The following ROBO1 variants were observed in gnomAD, a reference collection of about 807,000 sequenced individuals.
ROBO1 encodes the protein roundabout guidance receptor 1.
Under a neutral mutation model 195.9 loss-of-function variants are expected in ROBO1, and 149 were observed. That is an observed-to-expected ratio of 0.76 (90% CI 0.67 to 0.87). The LOEUF is 0.87. Among genes scored for constraint, ROBO1 ranks in the 40% least tolerant of loss-of-function variants. The pLI is 0.00. For missense variants in ROBO1, 1,933 were observed against 2,068.3 expected (o/e 0.93, Z 1.27); for synonymous variants, 816 against 733.2 (o/e 1.11, Z -1.82).
intron 1 of ROBO1, among the ~76,000 whole-genome samples, chr3:79,723,299 C>G (rs1242523148): frequency 6.6e-6 from 1 of 152,172 alleles, no homozygotes; most frequent in Non-Finnish European, 1.5e-5. Context: ...GAGGCAGAGT[C>G]TATCAACTCT....
chr3:79,446,566 G>C (rs2039264231), intron 2 of ROBO1, among the ~76,000 whole-genome samples: 1 of 152,056 alleles, frequency 6.6e-6, no homozygotes, highest in Admixed American at 6.6e-5. Flanking sequence ...CCACTAAGCT[G>C]TCAAATTATT....
chr3:78,604,276 G>A lies in ROBO1; in HGVS notation c.4744+2457C>T, dbSNP rs1213778605. Among the ~76,000 whole-genome samples, 6 of 152,010 alleles carry A rather than the reference G, an allele frequency of 3.9e-5. No individual in the cohort carries two copies. The East Asian group carries it at 9.7e-4, about 25-fold the overall frequency. On this transcript the variant is annotated intron_variant, in intron 29 of 30. Coordinates refer to ENST00000464233, the MANE Select transcript of ROBO1 (RefSeq NM_002941.4). The stretch of plus-strand genomic sequence containing the variant: ...AGTAGAGATGGGGTTTCACCATGTT[G>A]GCCAGGCTGGTCTCAAACTCCTGAC...
At chr3:79,091,417 A>C (rs549951413) in intron 3 of ROBO1, among the ~76,000 whole-genome samples, 375 of 152,288 alleles carry the variant, frequency 2.5e-3, no homozygotes, top group African/African-American at 8.7e-3. Flanking sequence ...CTTGCATTAC[A>C]TTCTAGATAA....
At chr3:79,169,177 T>C (rs1464853834) in intron 2 of ROBO1, among the ~76,000 whole-genome samples, 1 of 152,022 alleles carries the variant, frequency 6.6e-6, no homozygotes, top group Non-Finnish European at 1.5e-5. Flanking sequence ...TCTTCAAGAG[T>C]ACATATTAGT....
At chr3:78,994,561 T>A (rs1381441520) in intron 3 of ROBO1, among the ~76,000 whole-genome samples, 2 of 152,180 alleles carry the variant, frequency 1.3e-5, no homozygotes, top group African/African-American at 4.8e-5. Flanking sequence ...AAAAGAACTT[T>A]CAATTGGAAA....
chr3:79,226,758 G>GCTTAT, intron 2 of ROBO1, among the ~76,000 whole-genome samples: 1 of 151,872 alleles, frequency 6.6e-6, no homozygotes, highest in African/African-American at 2.4e-5. Flanking sequence ...TGTTGCCCAG[G>GCTTAT]CTTATCTCAA....
chr3:78,964,753 C>T (rs1238033091), intron 3 of ROBO1, among the ~76,000 whole-genome samples: 1 of 148,558 alleles, frequency 6.7e-6, no homozygotes, highest in Non-Finnish European at 1.5e-5. Flanking sequence ...ACAACTTAGT[C>T]CAATGGCTCA....
intron 8 of ROBO1, among the ~76,000 whole-genome samples, chr3:78,711,460 C>T (rs9814186): frequency 0.19 from 20,308 of 106,726 alleles, 3,022 homozygotes; most frequent in African/African-American, 0.24. Context: ...TCCTTCCTTC[C>T]TTCCTTTTCT....
chr3:78,926,604 T>C (rs966369892), intron 4 of ROBO1, among the ~76,000 whole-genome samples: 4 of 152,108 alleles, frequency 2.6e-5, no homozygotes, highest in Admixed American at 1.3e-4. Context: ...TTTGGACATT[T>C]GAGCTGCAGG....
At chr3:79,145,687 G>A (rs1459777517) in intron 2 of ROBO1, among the ~76,000 whole-genome samples, 2 of 151,902 alleles carry the variant, frequency 1.3e-5, no homozygotes, top group Non-Finnish European at 1.5e-5. Flanking sequence ...TATTGATGGG[G>A]GTCAGACAGT....
chr3:78,984,304 G>A (rs2077058500), intron 3 of ROBO1, among the ~76,000 whole-genome samples: 1 of 152,120 alleles, frequency 6.6e-6, no homozygotes, highest in African/African-American at 2.4e-5. Flanking sequence ...TCCGACTCCT[G>A]AGCTTGTGTT....
intron 1 of ROBO1, among the ~76,000 whole-genome samples, chr3:79,664,482 C>T (rs1946419101): frequency 6.6e-6 from 1 of 152,052 alleles, no homozygotes; most frequent in Non-Finnish European, 1.5e-5. Flanking sequence ...TGTCCTACAT[C>T]TTCCCCTCCT....
At chr3:79,252,185 A>C (rs2082742701) in intron 2 of ROBO1, among the ~76,000 whole-genome samples, 1 of 152,160 alleles carries the variant, frequency 6.6e-6, no homozygotes, top group African/African-American at 2.4e-5. Context: ...TTAATATTAA[A>C]TATACAACTT....
intron 2 of ROBO1, among the ~76,000 whole-genome samples, chr3:79,127,385 A>G (rs2080236386): frequency 6.6e-6 from 1 of 152,250 alleles, no homozygotes; most frequent in Admixed American, 6.5e-5. Context: ...GGCTTTTAAG[A>G]AAACCACCCT....
intron 2 of ROBO1, among the ~76,000 whole-genome samples, chr3:79,289,199 C>A (rs1427507102): frequency 6.6e-6 from 1 of 151,492 alleles, no homozygotes; most frequent in Admixed American, 6.6e-5. Context: ...ATAATAAAAA[C>A]ATTAAAAAAT....
At chr3:79,052,585 G>A (rs963959060) in intron 3 of ROBO1, among the ~76,000 whole-genome samples, 1 of 152,022 alleles carries the variant, frequency 6.6e-6, no homozygotes. Flanking sequence ...TGCAGCTCAG[G>A]GGGAATCACA....
intron 2 of ROBO1, among the ~76,000 whole-genome samples, chr3:79,240,890 A>G (rs1461563874): frequency 6.6e-6 from 1 of 152,022 alleles, no homozygotes; most frequent in East Asian, 1.9e-4. Context: ...TGAACCTCCT[A>G]CCTCAGCTTC....
intron 2 of ROBO1, among the ~76,000 whole-genome samples, chr3:79,269,885 C>T (rs375733906): frequency 1.6e-4 from 24 of 151,744 alleles, no homozygotes; most frequent in African/African-American, 3.9e-4. Flanking sequence ...ACAAATACTT[C>T]GGTGTACCAT....
chr3:79,494,505 A>C (rs1939627041), intron 2 of ROBO1, among the ~76,000 whole-genome samples: 2 of 152,188 alleles, frequency 1.3e-5, no homozygotes, highest in Non-Finnish European at 2.9e-5. Context: ...CTTGGAAGAC[A>C]AAGGATGAAA....
Sources: gnomAD v4.1 joint callset for allele counts (sites outside exome capture counted in the v4.1 genomes callset) on GRCh38, gnomAD v4.1.1 for gene constraint, MANE v1.5 for transcripts, NCBI Gene and HGNC (gene_info 2026-07-23, HGNC 2026-07-21) for gene names.